APAF1: variants seen among roughly 807,000 people sequenced by gnomAD.
APAF1 encodes the protein apoptotic protease-activating factor 1.
Under a neutral mutation model 152.4 loss-of-function variants are expected in APAF1, and 91 were observed. The observed-to-expected ratio is 0.60, with a 90% CI of 0.50 to 0.71. APAF1 has a LOEUF of 0.71. Ranked by LOEUF, APAF1 falls within the 30% of genes least tolerant of loss-of-function variation. The pLI is 0.00. For missense variants in APAF1, 1,283 were observed against 1,472.0 expected (o/e 0.87, Z 2.10); for synonymous variants, 484 against 494.1 (o/e 0.98, Z 0.27).
chr12:98,666,081 T>G, intron 8 of APAF1, 109 bp from the exon 9 acceptor site: 3 of 1,043,150 alleles, frequency 2.9e-6, no homozygotes, highest in Non-Finnish European at 4.4e-6. Flanking sequence ...ATGGAGACAT[T>G]CTTACTCAGG....
intron 15 of APAF1, among the ~76,000 whole-genome samples, chr12:98,684,048 A>G (rs1369207545): frequency 4.6e-5 from 7 of 152,164 alleles, no homozygotes; most frequent in Non-Finnish European, 1.0e-4. Context: ...GTTTGATTTC[A>G]AACCTTTCTT....
intron 14 of APAF1, among the ~76,000 whole-genome samples, chr12:98,681,234 G>A (rs1033802231): frequency 2.0e-5 from 3 of 152,028 alleles, no homozygotes. Context: ...GCTAATTTTT[G>A]TAGTTTTGGT....
chr12:98,679,103 C>T (rs957731328), intron 13 of APAF1, among the ~76,000 whole-genome samples: 5 of 152,176 alleles, frequency 3.3e-5, no homozygotes, highest in African/African-American at 9.7e-5. Context: ...CTTATAGTGC[C>T]TTTTCCAGGC....
In APAF1 at chr12:98,725,516, G is replaced by C; in HGVS notation, c.3432G>C (p.Thr1144=). Residue 1144 remains threonine (T), a synonymous_variant, in exon 25 of 27, where the codon ACG becomes ACC. Coordinates refer to ENST00000551964, the MANE Select transcript of APAF1 (RefSeq NM_181861.2). The part of the protein sequence containing the change: ...AFSVDSTLLA[T]GDDNGEIRIW... ...CTGTGGACAGTACCCTGCTGGCAAC[G>C]GGAGATGACAATGGAGAAATCAGGG... is the stretch of plus-strand genomic sequence containing the variant. 1.9e-6 allele frequency: 3 copies of C among 1,614,120 alleles called. No individual in the cohort carries two copies. Among genetic ancestry groups the C allele is most frequent in the Non-Finnish European group, 2.5e-6 (3 of 1,180,006 alleles).
intron 17 of APAF1, 117 bp from the exon 18 acceptor site, chr12:98,703,254 C>T (rs1242342804): frequency 3.7e-6 from 4 of 1,092,418 alleles, no homozygotes; most frequent in Non-Finnish European, 5.5e-6. Flanking sequence ...ATAATTATGC[C>T]AGTTATCAGT....
chr12:98,652,687 C>T (rs573008287), intron 4 of APAF1, among the ~76,000 whole-genome samples: 5 of 151,920 alleles, frequency 3.3e-5, no homozygotes, highest in East Asian at 1.9e-4. Context: ...AGTGCCATGG[C>T]GCGATCTTGG....
intron 5 of APAF1, 24 bp downstream of exon 5, chr12:98,659,367 G>C: frequency 6.2e-7 from 1 of 1,612,234 alleles, no homozygotes; most frequent in Non-Finnish European, 8.5e-7. Context: ...AATTTAGTTG[G>C]TGTGTCAGGT....
chr12:98,651,222 C>CTCAG (rs2097648562), intron 4 of APAF1, among the ~76,000 whole-genome samples: 2 of 152,188 alleles, frequency 1.3e-5, no homozygotes, highest in African/African-American at 4.8e-5. Context: ...TAGATCTGTA[C>CTCAG]TAGGCTGAGC....
At chr12:98,649,803 C>A in intron 4 of APAF1, 119 bp downstream of exon 4, 1 of 962,862 alleles carries the variant, frequency 1.0e-6, no homozygotes. Context: ...AGAGTTAGAA[C>A]AAAGGAAGGA....
chr12:98,677,387 A>G lies in APAF1; in HGVS notation c.1794-38A>G, dbSNP rs114213594. On this transcript the variant is annotated intron_variant, in intron 12 of 26. Transcript: ENST00000551964. ...AAAGAAAATAGTTACTTTTACTCTC[A>G]TTTATTTAATTTCTGTTCATTTTTT... The G allele has an allele frequency of 1.2e-3, 1,895 of 1,604,556 alleles. 18 individuals carry two copies. In the African/African-American group the frequency reaches 0.02, roughly 17 times the overall value.
In APAF1 at chr12:98,733,187, T is replaced by C. The variant is rs1469184103; in HGVS notation, c.*621T>C. 6.5e-6 allele frequency: 1 copy of C among 153,674 alleles called. No homozygotes were observed. The highest frequency in any genetic ancestry group is 1.9e-4 in the East Asian group (1 of 5,268). 9.5% of individuals were successfully genotyped at this position (153,674 alleles called of 1,614,324 possible). On this transcript the variant is annotated 3_prime_UTR_variant, in exon 27 of 27. Transcript: ENST00000551964. The stretch of plus-strand genomic sequence containing the variant: ...GTCTTGCTTTGTTGCCAGGCTGGAG[T>C]GCAGTGGCGCGATCTCGGCTCACCA...
intron 16 of APAF1, among the ~76,000 whole-genome samples, chr12:98,692,769 C>T (rs2097705695): frequency 2.0e-5 from 3 of 152,182 alleles, no homozygotes; most frequent in South Asian, 2.1e-4. Context: ...TGTATATGTA[C>T]CATATTTCCT....
chr12:98,649,864 A>C (rs2097646692), intron 4 of APAF1, among the ~76,000 whole-genome samples, 180 bp downstream of exon 4: 1 of 152,180 alleles, frequency 6.6e-6, no homozygotes. Context: ...TTCCTGAATG[A>C]GATGACATCT....
intron 12 of APAF1, among the ~76,000 whole-genome samples, chr12:98,673,776 A>G (rs1235670788): frequency 6.6e-6 from 1 of 152,210 alleles, no homozygotes; most frequent in Non-Finnish European, 1.5e-5. Context: ...CTTTCCCCTA[A>G]GGAGTTCAAA....
chr12:98,730,106 T>G (rs1307879840), intron 26 of APAF1, among the ~76,000 whole-genome samples: 1 of 152,224 alleles, frequency 6.6e-6, no homozygotes, highest in Non-Finnish European at 1.5e-5. Context: ...CAATAAAAAT[T>G]TTTTTAAAAA....
Position 98,719,434 on chromosome 12 carries a change from C to G in APAF1, c.3085-3759C>G, listed in dbSNP as rs757690871. On this transcript the variant is annotated intron_variant, in intron 22 of 26. Coordinates refer to ENST00000551964, the MANE Select transcript of APAF1 (RefSeq NM_181861.2). ...GCATGATCTTGGCTCACTGCAGCCT[C>G]CGCCTCCTGGGTTCAAGCAATTCCC... 1.5e-4 allele frequency among the ~76,000 whole-genome samples: 23 copies of G among 152,204 alleles called. 1 individual carries two copies. The Middle Eastern group carries it at 0.01, about 68-fold the overall frequency.
chr12:98,694,939 A>G (rs1318417850), intron 16 of APAF1, among the ~76,000 whole-genome samples: 3 of 149,996 alleles, frequency 2.0e-5, no homozygotes, highest in Admixed American at 6.7e-5. Context: ...CTGTGGCACC[A>G]TCTCGGCTCA....
Position 98,686,847 on chromosome 12 carries a change from AGTT to A in APAF1, c.2282_2284del (p.Cys761del). The A allele has an allele frequency of 3.1e-6, 5 of 1,614,008 alleles. No individual in the cohort carries two copies. The highest frequency in any genetic ancestry group is 4.2e-6 in the Non-Finnish European group (5 of 1,179,944). On this transcript the variant is annotated inframe_deletion, in exon 16 of 27. Transcript: ENST00000551964. ...TTCACCAGATGATAAGCTTTTGGCTAGTTGTTCAGCTGATGGAACCTTAAAGGT... is the reference window on the plus strand; with the variant it reads ...TTCACCAGATGATAAGCTTTTGGCTAGTTCAGCTGATGGAACCTTAAAGGT...
At chr12:98,657,048 C>T (rs1364941197) in intron 4 of APAF1, among the ~76,000 whole-genome samples, 1 of 152,186 alleles carries the variant, frequency 6.6e-6, no homozygotes, top group African/African-American at 2.4e-5. Context: ...CCTCCTTAAC[C>T]TCTTTGTCTC....
Sources: allele counts gnomAD v4.1 joint callset (sites outside exome capture counted in the v4.1 genomes callset), GRCh38; gene constraint gnomAD v4.1.1; transcripts MANE v1.5; gene names NCBI Gene and HGNC (gene_info 2026-07-23, HGNC 2026-07-21).